The following ZFYVE28 variants were observed in gnomAD, a reference collection of about 807,000 sequenced individuals.
The protein encoded by ZFYVE28 is lateral signaling target protein 2 homolog.
ZFYVE28 carries 40 observed loss-of-function variants against 82.1 expected under a neutral mutation model. The observed-to-expected ratio is 0.49, with a 90% CI of 0.38 to 0.63. ZFYVE28 has a LOEUF of 0.63. ZFYVE28 is among the 30% of genes least tolerant of loss of function. ZFYVE28 has a pLI of 0.00. For synonymous variants in ZFYVE28, 612 were observed against 546.1 expected (o/e 1.12, Z -1.68); for missense variants, 1,321 against 1,242.1 (o/e 1.06, Z -0.96).
At chr4:2,330,130 G>A (rs1242935353) in intron 6 of ZFYVE28, 9 of 281,026 alleles carry the variant, frequency 3.2e-5, no homozygotes, top group Admixed American at 6.5e-5. Flanking sequence ...ATAATAGGGG[G>A]TGGAGGTGAC....
intron 1 of ZFYVE28, chr4:2,364,936 C>T: frequency 1.0e-6 from 1 of 981,934 alleles, no homozygotes; most frequent in Non-Finnish European, 1.2e-6. Context: ...CGGGGCCCAG[C>T]AGGGGCGGCG....
rs150392759 is a variant in ZFYVE28 at position 2,305,498 on chromosome 4, G to A, written c.842C>T (p.Thr281Met). 3,018 of 1,612,982 alleles carry A rather than the reference G, an allele frequency of 1.9e-3. 54 individuals carry two copies. The East Asian group carries it at 0.04, about 21-fold the overall frequency. The change falls in exon 8 of 13, where the codon ACG becomes ATG. Residue 281 changes from threonine to methionine, a missense_variant. By Grantham distance (81) the Thr-to-Met change is moderately conservative (BLOSUM62 -1). Transcript: ENST00000290974. Reference sequence around the variant, plus strand: ...GGAAATGCAGAGGTTCCGTTCCAGCGTGTGCAGCTCCTCCTCCGTCAGCGT... The same window carrying A: ...GGAAATGCAGAGGTTCCGTTCCAGCATGTGCAGCTCCTCCTCCGTCAGCGT... Reference protein sequence around the residue: ...LQTLTEEELHTLERNLCISQD... With the variant: ...LQTLTEEELHMLERNLCISQD...
chr4:2,324,268 T>C (rs1293614218), intron 6 of ZFYVE28, among the ~76,000 whole-genome samples: 1 of 152,158 alleles, frequency 6.6e-6, no homozygotes, highest in African/African-American at 2.4e-5. Flanking sequence ...CTTCCATTAA[T>C]TGGATGAGGC....
chr4:2,395,589 A>G (rs1730351978), intron 1 of ZFYVE28, among the ~76,000 whole-genome samples: 1 of 152,186 alleles, frequency 6.6e-6, no homozygotes, highest in Non-Finnish European at 1.5e-5. Flanking sequence ...AGAGTCCCCA[A>G]AGCTCCCTTG....
chr4:2,303,692 C>T (rs370340097), intron 8 of ZFYVE28, among the ~76,000 whole-genome samples: 3 of 151,976 alleles, frequency 2.0e-5, no homozygotes, highest in Admixed American at 1.3e-4. Context: ...CAGTGCAGGG[C>T]AAGGAGGAGA....
At chr4:2,302,266 C>T (rs1432527174) in intron 8 of ZFYVE28, among the ~76,000 whole-genome samples, 1 of 152,202 alleles carries the variant, frequency 6.6e-6, no homozygotes, top group East Asian at 1.9e-4. Flanking sequence ...AAAAAGGTTC[C>T]TTCAGACAGA....
chr4:2,355,975 C>T (rs1043077202), intron 1 of ZFYVE28, among the ~76,000 whole-genome samples: 4 of 152,212 alleles, frequency 2.6e-5, no homozygotes, highest in East Asian at 3.9e-4. Context: ...ATGCGCTGGC[C>T]GTGTTCCCCA....
intron 2 of ZFYVE28, among the ~76,000 whole-genome samples, chr4:2,352,471 G>A (rs181123228): frequency 1.9e-4 from 29 of 152,048 alleles, no homozygotes; most frequent in South Asian, 4.2e-4. Context: ...AGTGGGATAC[G>A]AGATGAGCCA....
intron 1 of ZFYVE28, among the ~76,000 whole-genome samples, chr4:2,391,738 C>CTTTTTTTT (rs374413016): frequency 7.2e-6 from 1 of 139,770 alleles, no homozygotes; most frequent in Non-Finnish European, 1.5e-5. Flanking sequence ...AATTCTCTCT[C>CTTTTTTTT]TCTTTTTTTT....
At position 2,321,282 on chromosome 4, in the gene ZFYVE28, G is replaced by A. The variant is rs187641999; in HGVS notation, c.702-1011C>T. 3.5e-3 allele frequency among the ~76,000 whole-genome samples: 539 copies of A among 152,234 alleles called. 4 individuals are homozygous for A. Among genetic ancestry groups the A allele is most frequent in the Admixed American group, 5.8e-3 (88 of 15,298 alleles). On this transcript the variant is annotated intron_variant, in intron 6 of 12. Transcript: ENST00000290974. ...ACCAGGGTTAGGTCCAGCCAACACC[G>A]AGTCCCTGGGAGCACAGGGACAGTC... is the stretch of plus-strand genomic sequence containing the variant.
rs777277355 is a variant in ZFYVE28, at chr4:2,391,601, T to A, written c.39+26684A>T. Among the ~76,000 whole-genome samples the A allele has an allele frequency of 3.9e-4, 59 of 151,484 alleles. 1 individual carries two copies. Among genetic ancestry groups the A allele is most frequent in the Admixed American group, 2.2e-3 (34 of 15,172 alleles). On this transcript the variant is annotated intron_variant, in intron 1 of 12. Transcript: ENST00000290974. ...CCCACCATCCCTCCCCAGAACTTTC[T>A]CACCTTCCCAAACTGAAATGTCCCC...
At chr4:2,406,047 CA>C (rs766149952) in intron 1 of ZFYVE28, among the ~76,000 whole-genome samples, 28 of 90,470 alleles carry the variant, frequency 3.1e-4, no homozygotes, top group South Asian at 6.2e-4. Flanking sequence ...GATTCTGTCT[CA>C]AAAAAAAAAA....
At position 2,394,641 on chromosome 4, in the gene ZFYVE28, C is replaced by G. The variant is rs530207032; in HGVS notation, c.39+23644G>C. ...AACAAGGCACATGCTTCCAGCTGCT[C>G]GGGCTGCTCGGTCACAGGCAGGGGC... On this transcript the variant is annotated intron_variant, in intron 1 of 12. Transcript: ENST00000290974. The surrounding 1 kb of genome is among the most constrained non-coding windows in gnomAD (Gnocchi z 4.0). Among the ~76,000 whole-genome samples, 1 of 152,356 alleles carries G rather than the reference C, an allele frequency of 6.6e-6. No individual in the cohort carries two copies. Among genetic ancestry groups the G allele is most frequent in the East Asian group, 1.9e-4 (1 of 5,192 alleles).
intron 7 of ZFYVE28, among the ~76,000 whole-genome samples, chr4:2,319,454 C>T (rs542136905): frequency 1.3e-5 from 2 of 152,330 alleles, no homozygotes; most frequent in South Asian, 2.1e-4. Flanking sequence ...CTCACAGCAC[C>T]TCTGGCCCTC....
At chr4:2,279,699 T>G (rs1177507169) in intron 8 of ZFYVE28, among the ~76,000 whole-genome samples, 2 of 150,628 alleles carry the variant, frequency 1.3e-5, no homozygotes, top group East Asian at 2.0e-4. Context: ...AAGAATGGCG[T>G]GAACCCGGGA....
intron 8 of ZFYVE28, 45 bp downstream of exon 8, chr4:2,304,244 G>A (rs1275034849): frequency 6.6e-7 from 1 of 1,513,606 alleles, no homozygotes; most frequent in Admixed American, 2.2e-5. Flanking sequence ...CTGCCCCCCA[G>A]TGCAGAGAGG....
chr4:2,339,260 C>T lies in ZFYVE28; in HGVS notation c.521+193G>A, dbSNP rs1012972137. 2.6e-5 allele frequency among the ~76,000 whole-genome samples: 4 copies of T among 152,230 alleles called. No individual in the cohort carries two copies. The highest frequency in any genetic ancestry group is 5.9e-5 in the Non-Finnish European group (4 of 68,038). On this transcript the variant is annotated intron_variant, in intron 4 of 12. Coordinates refer to ENST00000290974, the MANE Select transcript of ZFYVE28 (RefSeq NM_020972.3). The surrounding 1 kb of genome is among the most constrained non-coding windows in gnomAD (Gnocchi z 5.0). ...TGTGTCCTCTGTGCTCACCCCACTC[C>T]CTGGAAAGATGCCCCACCTCACCTC...
intron 8 of ZFYVE28, among the ~76,000 whole-genome samples, chr4:2,301,436 G>A (rs983478814): frequency 5.3e-5 from 8 of 152,244 alleles, no homozygotes; most frequent in South Asian, 4.1e-4. Context: ...TTGCTTTCTC[G>A]GATCCTCAGC....
chr4:2,336,140 G>T (rs1427492126), intron 5 of ZFYVE28, among the ~76,000 whole-genome samples: 1 of 152,180 alleles, frequency 6.6e-6, no homozygotes, highest in African/African-American at 2.4e-5. Context: ...GCTCTGCTCA[G>T]CCAGGAGACC....
Sources: gnomAD v4.1 joint callset for allele counts (sites outside exome capture counted in the v4.1 genomes callset) on GRCh38, gnomAD v4.1.1 for gene constraint, Gnocchi (gnomAD v3.1) non-coding constraint, MANE v1.5 for transcripts, NCBI Gene and HGNC (gene_info 2026-07-23, HGNC 2026-07-21) for gene names.